Variants in IL1RAP observed in about 807,000 individuals in gnomAD.
IL1RAP encodes interleukin 1 receptor accessory protein, also known as interleukin-1 receptor accessory protein.
A neutral mutation model predicts 60.7 loss-of-function variants in IL1RAP; 35 were observed. The ratio of observed to expected loss-of-function variants is 0.58; its 90% CI spans 0.44 to 0.76. IL1RAP has a LOEUF of 0.76. IL1RAP is among the 30% of genes least tolerant of loss of function. The pLI is 0.00. For missense variants in IL1RAP, 572 were observed against 693.9 expected (o/e 0.82, Z 1.97); for synonymous variants, 268 against 250.9 (o/e 1.07, Z -0.64).
chr3:190,611,079 G>A (rs1730783283), intron 5 of IL1RAP, among the ~76,000 whole-genome samples: 2 of 152,136 alleles, frequency 1.3e-5, no homozygotes, highest in Non-Finnish European at 2.9e-5. Flanking sequence ...AAGTGTTGTA[G>A]AGAAGTGTGT....
intron 9 of IL1RAP, among the ~76,000 whole-genome samples, chr3:190,640,960 T>A (rs554754899): frequency 6.6e-6 from 1 of 151,174 alleles, no homozygotes; most frequent in Non-Finnish European, 1.5e-5. Flanking sequence ...AAATTCTTTT[T>A]TTATTTTTAT....
At chr3:190,589,083 A>T (rs1560193638) in intron 3 of IL1RAP, among the ~76,000 whole-genome samples, 1 of 152,026 alleles carries the variant, frequency 6.6e-6, no homozygotes, top group Non-Finnish European at 1.5e-5. Flanking sequence ...GGGCTGGATG[A>T]TTTTTGAATC....
chr3:190,516,882 A>T (rs1260507487), intron 1 of IL1RAP, among the ~76,000 whole-genome samples: 3 of 152,242 alleles, frequency 2.0e-5, no homozygotes, highest in Admixed American at 6.5e-5. Context: ...GACTCAGAGA[A>T]ATGAAAAGTT....
chr3:190,584,871 T>C (rs1157886708), intron 3 of IL1RAP, among the ~76,000 whole-genome samples: 1 of 152,226 alleles, frequency 6.6e-6, no homozygotes, highest in East Asian at 1.9e-4. Context: ...CTACTCAGTA[T>C]GTTTATAGAA....
chr3:190,519,402 T>C, intron 1 of IL1RAP, among the ~76,000 whole-genome samples: 1 of 152,288 alleles, frequency 6.6e-6, no homozygotes, highest in Non-Finnish European at 1.5e-5. Flanking sequence ...CTCAGATATA[T>C]ATTATTATTT....
Position 190,517,033 on chromosome 3 carries a change from C to G in IL1RAP, c.-89+2814C>G, listed in dbSNP as rs563098657. Among the ~76,000 whole-genome samples the G allele has an allele frequency of 2.0e-5, 3 of 152,236 alleles. No homozygotes were observed. The East Asian group carries it at 5.8e-4, about 29-fold the overall frequency. ...AATTTACTTCAGTTATAAAGTTGAC[C>G]TTATTTGTCTGGTTATTTCAGGATA... On this transcript the variant is annotated intron_variant, in intron 1 of 11. Coordinates refer to ENST00000447382, the MANE Select transcript of IL1RAP (RefSeq NM_002182.4).
At chr3:190,590,287 GCT>G (rs1484331741) in intron 3 of IL1RAP, among the ~76,000 whole-genome samples, 24 of 148,978 alleles carry the variant, frequency 1.6e-4, no homozygotes, top group African/African-American at 5.7e-4. Flanking sequence ...ACGGAGTCTT[GCT>G]CTGTTGCCCA....
intron 3 of IL1RAP, among the ~76,000 whole-genome samples, chr3:190,599,514 A>C (rs1398006723): frequency 6.8e-6 from 1 of 146,098 alleles, no homozygotes; most frequent in Non-Finnish European, 1.5e-5. Context: ...TTCCTTTCTT[A>C]CTCCTTGGCA....
intron 3 of IL1RAP, chr3:190,564,770 T>G: frequency 5.3e-6 from 1 of 189,406 alleles, no homozygotes; most frequent in Non-Finnish European, 1.1e-5. Context: ...AATAATGAGT[T>G]TTTGTCATAT....
chr3:190,522,504 A>G (rs1043070703), intron 1 of IL1RAP, among the ~76,000 whole-genome samples: 5 of 151,948 alleles, frequency 3.3e-5, no homozygotes, highest in Admixed American at 3.3e-4. Flanking sequence ...AAATATATTA[A>G]GCCTCTAGCT....
intron 1 of IL1RAP, chr3:190,550,238 G>A (rs1724750521): frequency 6.6e-6 from 1 of 152,232 alleles, no homozygotes; most frequent in Non-Finnish European, 1.5e-5. Flanking sequence ...TGAAATGGGA[G>A]GCTTGGCTTA....
chr3:190,602,672 C>T (rs1729962070), intron 3 of IL1RAP, among the ~76,000 whole-genome samples: 1 of 152,074 alleles, frequency 6.6e-6, no homozygotes, highest in Non-Finnish European at 1.5e-5. Context: ...ATCACTATTC[C>T]ATTGGATGTA....
At chr3:190,593,699 G>GGAAAGACCCACC (rs2108724811) in intron 3 of IL1RAP, among the ~76,000 whole-genome samples, 1 of 152,162 alleles carries the variant, frequency 6.6e-6, no homozygotes, top group African/African-American at 2.4e-5. Context: ...GAACAGCACA[G>GGAAAGACCCACC]GAAAGACCCA....
intron 4 of IL1RAP, among the ~76,000 whole-genome samples, chr3:190,607,349 G>A (rs554376114): frequency 1.6e-4 from 25 of 152,074 alleles, no homozygotes; most frequent in South Asian, 4.1e-4. Flanking sequence ...TTAGACACAA[G>A]TTTTACATCC....
chr3:190,616,153 A>G (rs1731252631), intron 5 of IL1RAP, among the ~76,000 whole-genome samples: 1 of 152,198 alleles, frequency 6.6e-6, no homozygotes, highest in Non-Finnish European at 1.5e-5. Flanking sequence ...TCAAATAGCT[A>G]TGAAGTCTTG....
chr3:190,656,042 T>C (rs1295025582), downstream of IL1RAP: 1 of 1,537,208 alleles, frequency 6.5e-7, no homozygotes, highest in Non-Finnish European at 8.7e-7. Context: ...CTCATTGTGG[T>C]TGAGTACCGT....
At chr3:190,573,381 G>C (rs1727169568) in intron 3 of IL1RAP, among the ~76,000 whole-genome samples, 1 of 152,182 alleles carries the variant, frequency 6.6e-6, no homozygotes. Context: ...TGTATTTCTT[G>C]AGGCACAGTA....
At chr3:190,644,908 T>C (rs1733907297) in intron 10 of IL1RAP, among the ~76,000 whole-genome samples, 1 of 152,096 alleles carries the variant, frequency 6.6e-6, no homozygotes, top group Non-Finnish European at 1.5e-5. Flanking sequence ...GGCTGCTGTA[T>C]TGGACAGTGC....
chr3:190,582,943 C>T (rs1364348863), intron 3 of IL1RAP, among the ~76,000 whole-genome samples: 1 of 152,110 alleles, frequency 6.6e-6, no homozygotes, highest in Non-Finnish European at 1.5e-5. Context: ...CCTTTCTCAC[C>T]TAAGTTCTTC....
Sources: gnomAD v4.1 joint callset for allele counts (sites outside exome capture counted in the v4.1 genomes callset) on GRCh38, gnomAD v4.1.1 for gene constraint, MANE v1.5 for transcripts, NCBI Gene and HGNC (gene_info 2026-07-23, HGNC 2026-07-21) for gene names.